IARS2: variants seen among roughly 807,000 people sequenced by gnomAD.
IARS2 encodes the protein isoleucyl-tRNA synthetase 2, mitochondrial.
Under a neutral mutation model 126.3 loss-of-function variants are expected in IARS2, and 56 were observed. That is an observed-to-expected ratio of 0.44 (90% CI 0.36 to 0.55). The LOEUF (loss-of-function observed/expected upper bound fraction) is 0.55. Among genes scored for constraint, IARS2 ranks in the 20% least tolerant of loss-of-function variants. The probability of loss-of-function intolerance (pLI) is 0.00; values close to 1 mark genes in which losing one functional copy is unlikely to be tolerated. For synonymous variants in IARS2, 407 were observed against 441.1 expected, an observed-to-expected ratio of 0.92 and a Z score of 0.97; for missense variants, 1,127 against 1,245.9, an observed-to-expected ratio of 0.90 and a Z score of 1.44.
At chr1:220,095,586 CT>C (rs34977332) in intron 1 of IARS2, among the ~76,000 whole-genome samples, 18 of 149,902 alleles carry the variant, frequency 1.2e-4, no homozygotes, top group African/African-American at 3.4e-4. Flanking sequence ...GATATTAACA[CT>C]TTTTTTTTTC....
intron 15 of IARS2, among the ~76,000 whole-genome samples, chr1:220,135,813 T>A (rs1034320769): frequency 7.8e-5 from 10 of 128,402 alleles, no homozygotes; most frequent in East Asian, 5.3e-4. Context: ...TCATTTAAAA[T>A]TTTTTTTTTT....
Position 220,147,635 on chromosome 1 carries a change from G to C in IARS2, c.3039G>C (p.Ter1013TyrextTer2), listed in dbSNP as rs867186658. 6 of 1,613,928 alleles carry C rather than the reference G, an allele frequency of 3.7e-6. No individual in the cohort carries two copies. The East Asian group carries it at 1.1e-4, about 30-fold the overall frequency. The change falls in exon 23 of 23, where the codon TAG becomes TAC. Residue 1013 changes from the stop codon to tyrosine, a stop_lost. Coordinates refer to ENST00000366922, the MANE Select transcript of IARS2 (RefSeq NM_018060.4). ...GTGCAGAAGTTGTCAGTGGAAAATA[G>C]TATTAACAGCTCACTCGAGCAAGAA... is the stretch of plus-strand genomic sequence containing the variant. ...PRCAEVVSGK[*>Y]
chr1:220,140,938 C>T (rs1228273745), intron 19 of IARS2, among the ~76,000 whole-genome samples: 1 of 142,042 alleles, frequency 7.0e-6, no homozygotes, highest in African/African-American at 2.7e-5. Context: ...GAGCCGAGAT[C>T]GTGACACTGC....
intron 8 of IARS2, 63 bp downstream of exon 8, chr1:220,103,625 A>G (rs1656626454): frequency 1.0e-5 from 10 of 954,614 alleles, no homozygotes; most frequent in Non-Finnish European, 1.5e-5. Context: ...TGAATTTACT[A>G]CTTTGCTGAA....
intron 21 of IARS2, chr1:220,143,926 G>A (rs1558132924): frequency 9.8e-6 from 10 of 1,016,938 alleles, no homozygotes; most frequent in South Asian, 1.4e-5. Flanking sequence ...TTTCCACGGG[G>A]CATTTTATTT....
chr1:220,132,908 C>G (rs550924190), intron 14 of IARS2, among the ~76,000 whole-genome samples: 52 of 152,272 alleles, frequency 3.4e-4, no homozygotes, highest in African/African-American at 1.2e-3. Flanking sequence ...TTTGTTTTCA[C>G]TGCATATGCA....
At chr1:220,140,361 T>C (rs1400753336) in intron 19 of IARS2, 72 bp downstream of exon 19, 2 of 931,114 alleles carry the variant, frequency 2.1e-6, no homozygotes, top group East Asian at 4.9e-5. Flanking sequence ...ATCCCAGCAC[T>C]TTGGGAGGCC....
At chr1:220,106,548 G>T (rs188934617) in intron 9 of IARS2, among the ~76,000 whole-genome samples, 10 of 151,786 alleles carry the variant, frequency 6.6e-5, no homozygotes, top group African/African-American at 2.4e-4. Context: ...AAAGTTTATG[G>T]ATATGCTTCA....
Position 220,102,495 on chromosome 1 carries a change from G to A in IARS2, c.750G>A (p.Arg250=). 1 of 1,613,158 alleles carries A rather than the reference G, an allele frequency of 6.2e-7. No individual in the cohort carries two copies. The highest frequency in any genetic ancestry group is 8.5e-7 in the Non-Finnish European group (1 of 1,179,316). ...TATGTTTAATATTTTTAACCCTTAG[G>A]ACTGCATTGGCTGAAGCAGAACTTG... ...YKPVFWSPSS[R]TALAEAELEY... The change falls in exon 6 of 23, where the codon AGG becomes AGA. Residue 250 remains arginine (R), a splice_region_variant and synonymous_variant. Coordinates refer to ENST00000366922, the MANE Select transcript of IARS2 (RefSeq NM_018060.4).
At chr1:220,099,446 A>G (rs1419365693) in intron 2 of IARS2, among the ~76,000 whole-genome samples, 3 of 152,184 alleles carry the variant, frequency 2.0e-5, no homozygotes, top group South Asian at 2.1e-4. Flanking sequence ...TCAGGTATAT[A>G]TTTTATAATT....
At position 220,094,193 on chromosome 1, in the gene IARS2, C is replaced by A; in HGVS notation, c.-24C>A. The A allele has an allele frequency of 4.6e-6, 7 of 1,531,698 alleles. No individual in the cohort carries two copies. Among genetic ancestry groups the A allele is most frequent in the Non-Finnish European group, 5.2e-6 (6 of 1,143,766 alleles). 94.9% of individuals were successfully genotyped at this position (1,531,698 alleles called of 1,614,324 possible). A position where few individuals can be genotyped will look rare whatever the true frequency, so the allele number is the denominator to read the frequency against. ...TCAAGCTGGGGCGGGAGCGGAGGACCCCGCTCTCAGGGGTTGCCGGACCAT... is the reference window on the plus strand; with the variant it reads ...TCAAGCTGGGGCGGGAGCGGAGGACACCGCTCTCAGGGGTTGCCGGACCAT... On this transcript the variant is annotated 5_prime_UTR_variant, in exon 1 of 23. Transcript: ENST00000366922.
chr1:220,110,621 C>T (rs1333565519), intron 10 of IARS2, among the ~76,000 whole-genome samples, 165 bp from the exon 11 acceptor site: 4 of 152,166 alleles, frequency 2.6e-5, no homozygotes, highest in African/African-American at 9.7e-5. Context: ...GCCTCAGCCT[C>T]GCAAAGTGCT....
At chr1:220,125,753 A>G (rs927808783) in intron 13 of IARS2, among the ~76,000 whole-genome samples, 2 of 151,642 alleles carry the variant, frequency 1.3e-5, no homozygotes, top group East Asian at 3.9e-4. Context: ...CAGCGAGCCA[A>G]GATTGCACCA....
At chr1:220,133,735 A>G (rs2102836745) in intron 14 of IARS2, among the ~76,000 whole-genome samples, 1 of 152,280 alleles carries the variant, frequency 6.6e-6, no homozygotes, top group Admixed American at 6.5e-5. Context: ...TCCCAACGTT[A>G]ACATTAACAT....
chr1:220,094,955 C>T (rs1467396858), intron 1 of IARS2, among the ~76,000 whole-genome samples: 1 of 150,952 alleles, frequency 6.6e-6, no homozygotes, highest in Non-Finnish European at 1.5e-5. Context: ...TGGCTAGTCA[C>T]CCCCACCCCC....
At chr1:220,131,598 C>T (rs1256202078) in intron 14 of IARS2, among the ~76,000 whole-genome samples, 3 of 151,960 alleles carry the variant, frequency 2.0e-5, no homozygotes, top group Non-Finnish European at 2.9e-5. Flanking sequence ...GCGATCTGTC[C>T]GCCTAAGCCT....
In IARS2 at chr1:220,127,635, G is replaced by C. The variant is rs188198734; in HGVS notation, c.1837+792G>C. Among the ~76,000 whole-genome samples the C allele has an allele frequency of 1.2e-4, 19 of 152,334 alleles. No homozygotes were observed. In the East Asian group the frequency reaches 3.3e-3, roughly 26 times the overall value. On this transcript the variant is annotated intron_variant, in intron 14 of 22. Coordinates refer to ENST00000366922, the MANE Select transcript of IARS2 (RefSeq NM_018060.4). ...TTCCTCACACTCCTACTAAGGGCCA[G>C]CTTTGGCCTGAGAGACCCTGTTTGC...
Position 220,105,879 on chromosome 1 carries a change from C to T in IARS2, c.1067-12C>T, listed in dbSNP as rs1354632596. 6.2e-7 allele frequency: 1 copy of T among 1,612,058 alleles called. No individual in the cohort carries two copies. The highest frequency in any genetic ancestry group is 1.3e-5 in the African/African-American group (1 of 74,884). ...TAAAATGATTCTTAATAGTGGTTTTCTTTCCCCACAGGTGTAGATTTGGAA... is the reference window on the plus strand; with the variant it reads ...TAAAATGATTCTTAATAGTGGTTTTTTTTCCCCACAGGTGTAGATTTGGAA... On this transcript the variant is annotated splice_polypyrimidine_tract_variant and intron_variant, in intron 8 of 22. Transcript: ENST00000366922.
chr1:220,117,375 T>A (rs908728942), intron 12 of IARS2, among the ~76,000 whole-genome samples: 2 of 151,494 alleles, frequency 1.3e-5, no homozygotes, highest in Admixed American at 6.6e-5. Flanking sequence ...ATATATATAT[T>A]TTTTAGTAGA....
Sources: gnomAD v4.1 joint callset for allele counts (sites outside exome capture counted in the v4.1 genomes callset) on GRCh38, gnomAD v4.1.1 for gene constraint, MANE v1.5 for transcripts, NCBI Gene and HGNC (gene_info 2026-07-23, HGNC 2026-07-21) for gene names.